The following PRKD1 variants were observed in gnomAD, a reference collection of about 807,000 sequenced individuals.
The protein encoded by PRKD1 is protein kinase D1.
Under a neutral mutation model 95.9 loss-of-function variants are expected in PRKD1, and 63 were observed. That is an observed-to-expected ratio of 0.66 (90% confidence interval 0.54 to 0.81). The LOEUF is 0.81. Among genes scored for constraint, PRKD1 ranks in the 30% least tolerant of loss-of-function variants. The probability of loss-of-function intolerance (pLI) is 0.00; values close to 1 mark genes in which losing one functional copy is unlikely to be tolerated. For synonymous variants in PRKD1, 425 were observed against 423.1 expected (o/e 1.00, Z -0.05); for missense variants, 1,048 against 1,165.3 (o/e 0.90, Z 1.47).
rs553186256 is a variant in PRKD1 at position 29,645,494 on chromosome 14, A to G, written c.697-6590T>C. Among the ~76,000 whole-genome samples, 4 of 152,304 alleles carry G rather than the reference A, an allele frequency of 2.6e-5. No homozygotes were observed. The South Asian group carries it at 6.2e-4, about 24-fold the overall frequency. Reference sequence around the variant, plus strand: ...AGCAAATGTTAATCTTTTATTCCAGAAATTTCGAGATCTAGCATTTTGGAC... The same window carrying G: ...AGCAAATGTTAATCTTTTATTCCAGGAATTTCGAGATCTAGCATTTTGGAC... On this transcript the variant is annotated intron_variant, in intron 4 of 17. Transcript: ENST00000331968.
chr14:29,720,810 A>C (rs1885857414), intron 2 of PRKD1, among the ~76,000 whole-genome samples: 1 of 151,938 alleles, frequency 6.6e-6, no homozygotes, highest in South Asian at 2.1e-4. Context: ...TAAATAAATA[A>C]ATCCTGAAGC....
intron 1 of PRKD1, among the ~76,000 whole-genome samples, chr14:29,734,731 C>T (rs1006200165): frequency 1.3e-5 from 2 of 152,236 alleles, no homozygotes; most frequent in Non-Finnish European, 2.9e-5. Context: ...TATGCATACA[C>T]AGATTTGTAT....
chr14:29,872,371 A>C (rs921934520), intron 1 of PRKD1, among the ~76,000 whole-genome samples: 1 of 152,226 alleles, frequency 6.6e-6, no homozygotes, highest in Non-Finnish European at 1.5e-5. Context: ...AAAGTCACTT[A>C]AAATCTCCAC....
intron 4 of PRKD1, chr14:29,650,649 G>A (rs1881436801): frequency 6.6e-6 from 1 of 152,248 alleles, no homozygotes; most frequent in African/African-American, 2.4e-5. Flanking sequence ...AGACAAAGAA[G>A]TTGCCTTTTA....
chr14:29,808,314 G>A (rs969622504), intron 1 of PRKD1, among the ~76,000 whole-genome samples: 2 of 130,536 alleles, frequency 1.5e-5, no homozygotes, highest in South Asian at 2.6e-4. Flanking sequence ...GAAGCCACTA[G>A]TCATCCATTC....
At chr14:29,921,153 AAAT>A (rs1454177528) in intron 1 of PRKD1, among the ~76,000 whole-genome samples, 2 of 152,216 alleles carry the variant, frequency 1.3e-5, no homozygotes, top group African/African-American at 4.8e-5. Flanking sequence ...TTTCTGTCAA[AAAT>A]AATAAAAAGC....
At chr14:29,716,063 G>A (rs1015302224) in intron 2 of PRKD1, among the ~76,000 whole-genome samples, 6 of 152,218 alleles carry the variant, frequency 3.9e-5, no homozygotes, top group Admixed American at 3.3e-4. Flanking sequence ...CAAATATAAG[G>A]AATTTTTAGC....
chr14:29,631,349 A>C (rs1005763669), intron 9 of PRKD1, among the ~76,000 whole-genome samples: 3 of 152,226 alleles, frequency 2.0e-5, no homozygotes, highest in African/African-American at 7.2e-5. Context: ...ACAGTGAGGT[A>C]GAATCACAAC....
At chr14:29,760,070 C>A (rs930576205) in intron 1 of PRKD1, among the ~76,000 whole-genome samples, 1 of 152,246 alleles carries the variant, frequency 6.6e-6, no homozygotes, top group Admixed American at 6.5e-5. Flanking sequence ...AGTTAATGGG[C>A]AAGAATCATT....
At chr14:29,639,480 G>A (rs552400410) in intron 4 of PRKD1, among the ~76,000 whole-genome samples, 2 of 152,132 alleles carry the variant, frequency 1.3e-5, no homozygotes, top group African/African-American at 4.8e-5. Flanking sequence ...TTAGCTGGGT[G>A]TGGTGGTGCT....
At chr14:29,728,039 T>C (rs113641014) in intron 1 of PRKD1, among the ~76,000 whole-genome samples, 13 of 152,038 alleles carry the variant, frequency 8.6e-5, no homozygotes, top group East Asian at 1.9e-4. Flanking sequence ...AGGGATAGCA[T>C]TGGGAGATAT....
chr14:29,835,776 G>A (rs755152793), intron 1 of PRKD1, among the ~76,000 whole-genome samples: 10 of 151,800 alleles, frequency 6.6e-5, no homozygotes, highest in South Asian at 4.2e-4. Flanking sequence ...TCACCACGTT[G>A]GTCAAGCTTG....
chr14:29,824,693 A>G (rs1403321632), intron 1 of PRKD1, among the ~76,000 whole-genome samples: 1 of 152,126 alleles, frequency 6.6e-6, no homozygotes, highest in Non-Finnish European at 1.5e-5. Flanking sequence ...CACTCACTAT[A>G]CTGATGAAAC....
chr14:29,751,969 A>G (rs577894965), intron 1 of PRKD1, among the ~76,000 whole-genome samples: 3 of 152,336 alleles, frequency 2.0e-5, no homozygotes, highest in African/African-American at 7.2e-5. Context: ...TAAGTGAGCC[A>G]AGAATTCACT....
rs144714359 is a variant in PRKD1, at chr14:29,789,581, G to A, written c.265-63907C>T. Among the ~76,000 whole-genome samples the A allele has an allele frequency of 8.9e-3, 1,354 of 152,254 alleles. 19 individuals carry two copies. Among genetic ancestry groups the A allele is most frequent in the African/African-American group, 0.032 (1,312 of 41,546 alleles). ...CTGCTGGTAGTGGGCTTGGCAGGCT[G>A]GTATCCAGGCACCTAGGTGGTGCCT... On this transcript the variant is annotated intron_variant, in intron 1 of 17. Transcript: ENST00000331968.
At chr14:29,688,657 C>T (rs1884023636) in intron 2 of PRKD1, among the ~76,000 whole-genome samples, 1 of 152,050 alleles carries the variant, frequency 6.6e-6, no homozygotes, top group Non-Finnish European at 1.5e-5. Context: ...AAACCCGAGG[C>T]ATGATGGTTC....
intron 1 of PRKD1, among the ~76,000 whole-genome samples, chr14:29,729,733 G>A (rs1457272454): frequency 4.0e-5 from 6 of 151,808 alleles, no homozygotes; most frequent in Admixed American, 3.3e-4. Flanking sequence ...TATAGTGGAA[G>A]CTTGTATTAT....
intron 13 of PRKD1, among the ~76,000 whole-genome samples, chr14:29,612,827 G>A (rs904756833): frequency 6.6e-6 from 1 of 152,170 alleles, no homozygotes. Context: ...GGGCGGGCAC[G>A]GTGGCTCACG....
At chr14:29,796,022 T>C (rs944409499) in intron 1 of PRKD1, among the ~76,000 whole-genome samples, 2 of 152,128 alleles carry the variant, frequency 1.3e-5, no homozygotes, top group African/African-American at 2.4e-5. Context: ...CTTTCATCTA[T>C]TGATATATAA....
Sources: allele counts gnomAD v4.1 joint callset (sites outside exome capture counted in the v4.1 genomes callset), GRCh38; gene constraint gnomAD v4.1.1; transcripts MANE v1.5; gene names NCBI Gene and HGNC (gene_info 2026-07-23, HGNC 2026-07-21).